Variants in ASCC3 observed in about 807,000 individuals in gnomAD.
The protein encoded by ASCC3 is ASC-1 complex subunit P200.
ASCC3 carries 158 observed loss-of-function variants against 256.3 expected under a neutral mutation model. The observed-to-expected ratio is 0.62, with a 90% CI of 0.54 to 0.70. The LOEUF (loss-of-function observed/expected upper bound fraction) is 0.70. Among genes scored for constraint, ASCC3 ranks in the 30% least tolerant of loss-of-function variants. The probability of loss-of-function intolerance (pLI) is 0.00; values close to 1 mark genes in which losing one functional copy is unlikely to be tolerated. For missense variants in ASCC3, 2,259 were observed against 2,626.0 expected (o/e 0.86, Z 3.05); for synonymous variants, 948 against 883.4 (o/e 1.07, Z -1.30).
At chr6:100,658,499 TATTC>T (rs1407759940) in intron 16 of ASCC3, among the ~76,000 whole-genome samples, 3 of 151,514 alleles carry the variant, frequency 2.0e-5, no homozygotes, top group Non-Finnish European at 3.0e-5. Context: ...ACTATGCTAC[TATTC>T]ATTTATTTAT....
chr6:100,855,359 C>A (rs1016573272), intron 3 of ASCC3, among the ~76,000 whole-genome samples: 2 of 152,166 alleles, frequency 1.3e-5, no homozygotes, highest in Non-Finnish European at 2.9e-5. Context: ...TCAAGCAATC[C>A]ACCCGCCTTG....
chr6:100,563,159 A>G (rs1292609403), intron 36 of ASCC3, among the ~76,000 whole-genome samples: 1 of 152,084 alleles, frequency 6.6e-6, no homozygotes, highest in East Asian at 1.9e-4. Flanking sequence ...ATTATGACAT[A>G]TATTAATGCT....
chr6:100,793,691 T>C (rs1769461265), intron 8 of ASCC3, among the ~76,000 whole-genome samples: 1 of 151,934 alleles, frequency 6.6e-6, no homozygotes, highest in Non-Finnish European at 1.5e-5. Flanking sequence ...ATTTCCTTAA[T>C]ACAAGCCTAG....
intron 36 of ASCC3, among the ~76,000 whole-genome samples, chr6:100,586,901 CAAAAG>C (rs1025681859): frequency 9.9e-5 from 15 of 151,986 alleles, no homozygotes; most frequent in Non-Finnish European, 2.2e-4. Context: ...AAGTAATACT[CAAAAG>C]AATAGAAGTT....
intron 8 of ASCC3, among the ~76,000 whole-genome samples, chr6:100,790,339 A>G (rs1769293294): frequency 6.6e-6 from 1 of 151,966 alleles, no homozygotes; most frequent in African/African-American, 2.4e-5. Flanking sequence ...ACTGGATAGC[A>G]AGCTTCTTAA....
intron 3 of ASCC3, among the ~76,000 whole-genome samples, chr6:100,852,307 C>T (rs1772720490): frequency 6.6e-6 from 1 of 152,106 alleles, no homozygotes; most frequent in Admixed American, 6.5e-5. Context: ...CTCTATTAGC[C>T]GGCTGAACCA....
At chr6:100,557,778 C>T (rs938391924) in intron 36 of ASCC3, among the ~76,000 whole-genome samples, 1 of 151,934 alleles carries the variant, frequency 6.6e-6, no homozygotes. Flanking sequence ...ATAAGACCTG[C>T]TATTTGACAA....
intron 14 of ASCC3, among the ~76,000 whole-genome samples, chr6:100,675,793 A>C (rs1338115890): frequency 1.3e-5 from 2 of 152,212 alleles, no homozygotes; most frequent in Admixed American, 1.3e-4. Context: ...ATAAATCAGA[A>C]ACATACGGTA....
intron 30 of ASCC3, among the ~76,000 whole-genome samples, chr6:100,620,185 A>T (rs1049554207): frequency 6.6e-6 from 1 of 152,042 alleles, no homozygotes; most frequent in Non-Finnish European, 1.5e-5. Context: ...CAGGCATTCA[A>T]CTCTTTCTAT....
chr6:100,628,161 T>A (rs1774344038), intron 27 of ASCC3, among the ~76,000 whole-genome samples, 174 bp from the exon 28 acceptor site: 1 of 150,990 alleles, frequency 6.6e-6, no homozygotes, highest in African/African-American at 2.4e-5. Context: ...TCCCAGTGCA[T>A]GATGTCACTT....
chr6:100,723,758 G>A (rs949227139), intron 11 of ASCC3, among the ~76,000 whole-genome samples: 1 of 149,870 alleles, frequency 6.7e-6, no homozygotes, highest in African/African-American at 2.4e-5. Context: ...ATATAGGGAA[G>A]ATGACAAGAG....
chr6:100,668,413 T>C (rs1776587367), intron 14 of ASCC3, among the ~76,000 whole-genome samples: 1 of 152,010 alleles, frequency 6.6e-6, no homozygotes, highest in Non-Finnish European at 1.5e-5. Flanking sequence ...TTACTAATAT[T>C]TAACCTAGAA....
At chr6:100,516,047 CATA>C in intron 39 of ASCC3, 130 bp downstream of exon 39, 2 of 1,076,544 alleles carry the variant, frequency 1.9e-6, no homozygotes, top group African/African-American at 3.1e-5. Context: ...TGTTCATAAT[CATA>C]GTAGTAAATG....
chr6:100,821,777 T>C (rs542325026), intron 4 of ASCC3, among the ~76,000 whole-genome samples: 82 of 151,840 alleles, frequency 5.4e-4, no homozygotes, highest in Non-Finnish European at 1.0e-3. Context: ...TAAGCCAAGA[T>C]TGTGCCACTG....
intron 34 of ASCC3, among the ~76,000 whole-genome samples, chr6:100,590,634 T>A (rs1299998212): frequency 6.6e-6 from 1 of 152,014 alleles, no homozygotes; most frequent in African/African-American, 2.4e-5. Flanking sequence ...TGGAAAGTGG[T>A]CTTAGAGAAC....
rs1770154531 is a variant in ASCC3, at chr6:100,805,850, C to G, written c.832G>C (p.Glu278Gln). 1 of 1,611,398 alleles carries G rather than the reference C, an allele frequency of 6.2e-7. No individual in the cohort carries two copies. The highest frequency in any genetic ancestry group is 1.3e-5 in the African/African-American group (1 of 74,908). Residue 278 changes from glutamate to glutamine, a missense_variant, in exon 5 of 42, where the codon GAA becomes CAA. Physicochemically the swap from Glu to Gln is conservative, Grantham distance 29. This residue lies in a region of ASCC3 where 420 missense variants were observed against 419.3 expected (regional missense o/e 1.00). Transcript: ENST00000369162. ...LFELLGPEGL[E>Q]LIEKLLQNRI... ...TTCTGGAGGAGTTTCTCAATAAGTT[C>G]AAGTCCTTCAGGTCCCAGCAGTTCA...
chr6:100,864,331 A>C, intron 2 of ASCC3, 117 bp from the exon 3 acceptor site: 2 of 905,234 alleles, frequency 2.2e-6, no homozygotes, highest in South Asian at 3.4e-5. Flanking sequence ...AAGAATTCAA[A>C]GTTGTATCTA....
chr6:100,789,509 T>A (rs1769250315), intron 8 of ASCC3, among the ~76,000 whole-genome samples: 1 of 151,978 alleles, frequency 6.6e-6, no homozygotes, highest in Non-Finnish European at 1.5e-5. Flanking sequence ...CTATTAAGTA[T>A]AAGCAAACCT....
intron 10 of ASCC3, among the ~76,000 whole-genome samples, chr6:100,730,254 G>A (rs1362838827): frequency 1.3e-5 from 2 of 151,952 alleles, no homozygotes; most frequent in African/African-American, 4.8e-5. Context: ...CTGTGATCAT[G>A]CCACTGCACT....
Sources: allele counts gnomAD v4.1 joint callset (sites outside exome capture counted in the v4.1 genomes callset), GRCh38; gene constraint gnomAD v4.1.1; regional missense constraint gnomAD v4.1.1; transcripts MANE v1.5; gene names NCBI Gene and HGNC (gene_info 2026-07-23, HGNC 2026-07-21).